Variants in TPO observed in about 807,000 individuals in gnomAD.
TPO encodes the protein thyroid peroxidase.
In TPO, 78 loss-of-function variants were observed where a neutral mutation model predicts 96.9. That is an observed-to-expected ratio of 0.81 (90% confidence interval 0.67 to 0.97). The LOEUF (loss-of-function observed/expected upper bound fraction) is 0.97, where lower values mean the gene tolerates loss of function less well. Ranked by LOEUF, TPO falls within the 50% of genes least tolerant of loss-of-function variation. The probability of loss-of-function intolerance (pLI) is 0.00; values close to 1 mark genes in which losing one functional copy is unlikely to be tolerated. For missense variants in TPO, 1,252 were observed against 1,274.8 expected (o/e 0.98, Z 0.27); for synonymous variants, 547 against 538.0 (o/e 1.02, Z -0.23).
intron 2 of TPO, among the ~76,000 whole-genome samples, chr2:1,416,280 G>A (rs1662954481): frequency 6.6e-6 from 1 of 152,174 alleles, no homozygotes; most frequent in Non-Finnish European, 1.5e-5. Context: ...CATGCTAGAT[G>A]TTCAGCCAAT....
intron 3 of TPO, among the ~76,000 whole-genome samples, chr2:1,429,597 C>A (rs1558274301): frequency 6.6e-6 from 1 of 152,128 alleles, no homozygotes; most frequent in African/African-American, 2.4e-5. Context: ...ATGACTGTGA[C>A]CAAAACGCTG....
chr2:1,494,091 G>A (rs775777320), intron 11 of TPO, 52 bp downstream of exon 11: 1 of 1,575,926 alleles, frequency 6.3e-7, no homozygotes, highest in South Asian at 1.1e-5. Context: ...GAGGCAGGTG[G>A]TCTGCGTTGG....
At chr2:1,428,950 C>T (rs576373584) in intron 3 of TPO, among the ~76,000 whole-genome samples, 83 of 152,162 alleles carry the variant, frequency 5.5e-4, no homozygotes, top group African/African-American at 2.0e-3. Flanking sequence ...CTATGGCTGG[C>T]TAATGTGTTA....
In TPO at chr2:1,504,043, C is replaced by A; in HGVS notation, c.2482C>A (p.Pro828Thr). Residue 828 changes from proline to threonine, a missense_variant, in exon 14 of 17, where the codon CCC becomes ACC. Coordinates refer to ENST00000329066, the MANE Select transcript of TPO (RefSeq NM_001206744.2). ...CGGCTTCCAGTGTCTCTGCGCGGACCCCTACGAGTTAGGAGACGATGGGAG... is the reference window on the plus strand; with the variant it reads ...CGGCTTCCAGTGTCTCTGCGCGGACACCTACGAGTTAGGAGACGATGGGAG... ...KGGFQCLCAD[P>T]YELGDDGRTC... 5 of 1,614,244 alleles carry A rather than the reference C, an allele frequency of 3.1e-6. No individual in the cohort carries two copies. Among genetic ancestry groups the A allele is most frequent in the Non-Finnish European group, 4.2e-6 (5 of 1,180,056 alleles).
chr2:1,414,301 C>A, intron 1 of TPO, 107 bp from the exon 2 acceptor site: 1 of 1,065,592 alleles, frequency 9.4e-7, no homozygotes, highest in Non-Finnish European at 1.4e-6. Flanking sequence ...GTAGAGGCTG[C>A]GTGGAGTCAG....
chr2:1,534,401 T>C, intron 15 of TPO, among the ~76,000 whole-genome samples: 1 of 132,352 alleles, frequency 7.6e-6, no homozygotes, highest in Non-Finnish European at 1.6e-5. Flanking sequence ...GTGTGCAACC[T>C]CCCCAAATCC....
chr2:1,389,014 G>T (rs991909435), intron 1 of TPO, among the ~76,000 whole-genome samples: 1 of 152,168 alleles, frequency 6.6e-6, no homozygotes, highest in Admixed American at 6.5e-5. Context: ...CAATTAAGAA[G>T]TTTTTTTGTG....
intron 16 of TPO, 96 bp downstream of exon 16, chr2:1,540,819 T>C: frequency 2.5e-6 from 4 of 1,602,422 alleles, no homozygotes; most frequent in Non-Finnish European, 3.4e-6. Flanking sequence ...CCTGCATATT[T>C]CTGTTTACTC....
intron 5 of TPO, among the ~76,000 whole-genome samples, chr2:1,449,409 T>C (rs1004209121): frequency 2.6e-5 from 4 of 152,224 alleles, no homozygotes; most frequent in Non-Finnish European, 4.4e-5. Flanking sequence ...TTCATTTGCA[T>C]TTTGACCTAA....
chr2:1,528,117 C>G, intron 15 of TPO, among the ~76,000 whole-genome samples: 1 of 125,776 alleles, frequency 8.0e-6, no homozygotes, highest in African/African-American at 3.3e-5. Context: ...CCACTGTGTG[C>G]AACATTCCTC....
Position 1,493,888 on chromosome 2 carries a change from G to A in TPO, c.1855G>A (p.Ala619Thr). 6.2e-7 allele frequency: 1 copy of A among 1,614,196 alleles called. No homozygotes were observed. Among genetic ancestry groups the A allele is most frequent in the Non-Finnish European group, 8.5e-7 (1 of 1,180,032 alleles). ...LSTAIASRSV[A>T]DKILDLYKHP... The stretch of plus-strand genomic sequence containing the variant: ...CACAGCCATCGCCAGCAGGAGCGTG[G>A]CCGACAAGATCCTGGACTTGTACAA... Residue 619 changes from alanine (A) to threonine (T), a missense_variant, in exon 11 of 17, where the codon GCC (alanine) becomes ACC (threonine). Coordinates refer to ENST00000329066, the MANE Select transcript of TPO (RefSeq NM_001206744.2).
chr2:1,477,907 CCCA>C (rs1485174306), intron 8 of TPO: 34 of 985,392 alleles, frequency 3.5e-5, no homozygotes, highest in Non-Finnish European at 4.0e-5. Context: ...TGGTGATTAT[CCCA>C]CCAAGACCCA....
chr2:1,449,365 T>C (rs1217918073), intron 5 of TPO, among the ~76,000 whole-genome samples: 1 of 152,230 alleles, frequency 6.6e-6, no homozygotes, highest in Non-Finnish European at 1.5e-5. Context: ...TGAATTCACA[T>C]TCGTAGTCAC....
At chr2:1,480,752 C>CATCCACACCACCTCCCTCCTCCT (rs1670506607) in intron 8 of TPO, among the ~76,000 whole-genome samples, 3 of 148,960 alleles carry the variant, frequency 2.0e-5, no homozygotes, top group East Asian at 1.9e-4. Context: ...CTGCTGCATC[C>CATCCACACCACCTCCCTCCTCCT]GTCCACACCA....
chr2:1,411,894 C>A (rs1304152688), upstream of TPO, among the ~76,000 whole-genome samples: 1 of 152,228 alleles, frequency 6.6e-6, no homozygotes, highest in Non-Finnish European at 1.5e-5. Flanking sequence ...ATCCCATCTG[C>A]AAAGCCCCTT....
At position 1,517,949 on chromosome 2, in the gene TPO, C is replaced by A. The variant is rs1253237662; in HGVS notation, c.2618+967C>A. 3.4e-5 allele frequency among the ~76,000 whole-genome samples: 5 copies of A among 147,104 alleles called. No individual in the cohort carries two copies. In the East Asian group the frequency reaches 7.8e-4, roughly 23 times the overall value. ...TCCCTGAGTGCCAGGCTCCCCCCCC[C>A]AATATGCCCTGTGCACACTCCTGCT... is the stretch of plus-strand genomic sequence containing the variant. On this transcript the variant is annotated intron_variant, in intron 15 of 16. Transcript: ENST00000329066.
At chr2:1,408,602 G>A (rs1662280760), upstream of TPO, among the ~76,000 whole-genome samples, 1 of 152,220 alleles carries the variant, frequency 6.6e-6, no homozygotes. Flanking sequence ...GCTCCTGTGA[G>A]TGGGTGGGCA....
chr2:1,495,536 G>A (rs535348618), intron 11 of TPO, among the ~76,000 whole-genome samples: 26 of 152,318 alleles, frequency 1.7e-4, no homozygotes, highest in South Asian at 1.0e-3. Flanking sequence ...CATCATTCTT[G>A]TTTTTAACAC....
chr2:1,406,914 T>C (rs1485814163), intron 1 of TPO, among the ~76,000 whole-genome samples: 5 of 152,232 alleles, frequency 3.3e-5, no homozygotes, highest in African/African-American at 9.6e-5. Flanking sequence ...GGAGGGAACA[T>C]GAGTATGTAT....
Sources: allele counts gnomAD v4.1 joint callset (sites outside exome capture counted in the v4.1 genomes callset), GRCh38; gene constraint gnomAD v4.1.1; transcripts MANE v1.5; gene names NCBI Gene and HGNC (gene_info 2026-07-23, HGNC 2026-07-21).